The following CCDC117 variants were observed in gnomAD, a reference collection of about 807,000 sequenced individuals.
CCDC117 encodes the protein coiled-coil domain containing 117.
In CCDC117, 1 loss-of-function variant was observed where a neutral mutation model predicts 23.5. The observed-to-expected ratio is 0.04, with a 90% CI of 0.02 to 0.20. The LOEUF is 0.20. Ranked by LOEUF, CCDC117 falls within the 10% of genes least tolerant of loss-of-function variation. The pLI is 1.00. For synonymous variants in CCDC117, 132 were observed against 124.8 expected (o/e 1.06, Z -0.39); for missense variants, 383 against 348.2 (o/e 1.10, Z -0.80).
chr22:28,784,146 A>G (rs2031439197), intron 4 of CCDC117, among the ~76,000 whole-genome samples: 1 of 152,208 alleles, frequency 6.6e-6, no homozygotes, highest in South Asian at 2.1e-4. Flanking sequence ...TCTTAATCTA[A>G]ACACAGTTTA....
rs1340147382 is a variant in CCDC117 at position 28,781,493 on chromosome 22, G to C, written c.464+321G>C. 2.2e-5 allele frequency among the ~76,000 whole-genome samples: 2 copies of C among 89,604 alleles called. 1 individual carries two copies. Among genetic ancestry groups the C allele is most frequent in the Non-Finnish European group, 3.9e-5 (2 of 50,684 alleles). 58.8% of individuals were successfully genotyped at this position (89,604 alleles called of 152,430 possible). A position where few individuals can be genotyped will look rare whatever the true frequency, so the allele number is the denominator to read the frequency against. ...AGCCTCCCAAGTAGCTGGGACTACA[G>C]GCGCCCGCCACTACGCCCGGCTAAT... is the stretch of plus-strand genomic sequence containing the variant. On this transcript the variant is annotated intron_variant, in intron 3 of 4. Transcript: ENST00000249064.
At chr22:28,778,424 A>G (rs897133726) in intron 2 of CCDC117, among the ~76,000 whole-genome samples, 40 of 152,220 alleles carry the variant, frequency 2.6e-4, no homozygotes, top group Non-Finnish European at 2.8e-4. Flanking sequence ...CCTGGCCAAC[A>G]TGGTGAAACC....
intron 3 of CCDC117, among the ~76,000 whole-genome samples, chr22:28,782,847 C>T (rs2031391190): frequency 6.6e-6 from 1 of 152,150 alleles, no homozygotes; most frequent in African/African-American, 2.4e-5. Context: ...ACTGGGATTA[C>T]AAGTGTGAGC....
chr22:28,783,737 T>C (rs2031427624), intron 4 of CCDC117, 92 bp downstream of exon 4: 1 of 1,213,358 alleles, frequency 8.2e-7, no homozygotes, highest in East Asian at 2.3e-5. Context: ...ATTAGCTCTT[T>C]TTATCTCCTG....
Position 28,775,165 on chromosome 22 carries a change from G to A in CCDC117, c.239+1387G>A, listed in dbSNP as rs558957361. The stretch of plus-strand genomic sequence containing the variant: ...AATGCCAGCTACTCAGGAGGCTGAG[G>A]CAGGAGAATCACTTGAACCCGGGAG... On this transcript the variant is annotated intron_variant, in intron 2 of 4. Coordinates refer to ENST00000249064, the MANE Select transcript of CCDC117 (RefSeq NM_173510.4). 4.6e-5 allele frequency among the ~76,000 whole-genome samples: 7 copies of A among 152,300 alleles called. No homozygotes were observed. In the East Asian group the frequency reaches 1.4e-3, roughly 29 times the overall value.
chr22:28,788,146 C>G lies in CCDC117; in HGVS notation c.*1820C>G, dbSNP rs1199299837. 6.6e-6 allele frequency: 1 copy of G among 152,598 alleles called. No homozygotes were observed. Among genetic ancestry groups the G allele is most frequent in the African/African-American group, 2.4e-5 (1 of 41,436 alleles). The allele number at this position is 152,598 out of a possible 1,614,324, so 9.5% of individuals were successfully genotyped here. On this transcript the variant is annotated 3_prime_UTR_variant, in exon 5 of 5. Transcript: ENST00000249064. Reference sequence around the variant, plus strand: ...AACCAGTATTGAAAGCAGTTGGAAACCAGCTAATAGTTTCTTAATCTCAGA... The same window carrying G: ...AACCAGTATTGAAAGCAGTTGGAAAGCAGCTAATAGTTTCTTAATCTCAGA...
In CCDC117 at chr22:28,786,308, A is replaced by G; in HGVS notation, c.822A>G (p.Glu274=). ...YNSLETATST[E]EEMEL ...GTTTGGAGACAGCTACTAGCACAGA[A>G]GAAGAGATGGAACTCTAGAAACCAA... The change falls in exon 5 of 5, where the codon GAA becomes GAG. Residue 274 remains glutamate (E), a synonymous_variant. Transcript: ENST00000249064. 5 of 1,612,816 alleles carry G rather than the reference A, an allele frequency of 3.1e-6. No homozygotes were observed. Among genetic ancestry groups the G allele is most frequent in the Non-Finnish European group, 4.2e-6 (5 of 1,179,408 alleles).
Position 28,772,733 on chromosome 22 carries a change from G to T in CCDC117, c.-117G>T. 1.3e-6 allele frequency: 1 copy of T among 789,444 alleles called. No individual in the cohort carries two copies. The highest frequency in any genetic ancestry group is 3.7e-5 in the East Asian group (1 of 26,898). The allele number at this position is 789,444 out of a possible 1,614,324, so 48.9% of individuals were successfully genotyped here. ...TGGAGGGTTCTAGAAGGCGTGACGT[G>T]GGGTCGAGAGCGGGATCCGAGGCTG... On this transcript the variant is annotated 5_prime_UTR_variant, in exon 1 of 5. Coordinates refer to ENST00000249064, the MANE Select transcript of CCDC117 (RefSeq NM_173510.4).
At chr22:28,775,507 T>G (rs1214620032) in intron 2 of CCDC117, among the ~76,000 whole-genome samples, 1 of 152,224 alleles carries the variant, frequency 6.6e-6, no homozygotes, top group Non-Finnish European at 1.5e-5. Flanking sequence ...CCAATTTATA[T>G]GCCCATTAAC....
At chr22:28,778,253 A>G (rs2031226124) in intron 2 of CCDC117, among the ~76,000 whole-genome samples, 1 of 152,082 alleles carries the variant, frequency 6.6e-6, no homozygotes, top group Non-Finnish European at 1.5e-5. Context: ...GACACTTTGG[A>G]TTTTCTAAAC....
chr22:28,777,505 C>CTTTTCTTTT (rs2031200766), intron 2 of CCDC117, among the ~76,000 whole-genome samples: 1 of 138,724 alleles, frequency 7.2e-6, no homozygotes, highest in African/African-American at 2.6e-5. Context: ...GACATCTTTT[C>CTTTTCTTTT]TTTTTTTTTT....
chr22:28,778,274 A>G (rs1279174129), intron 2 of CCDC117, among the ~76,000 whole-genome samples: 2 of 152,190 alleles, frequency 1.3e-5, no homozygotes, highest in East Asian at 3.8e-4. Flanking sequence ...TTGTTGATAC[A>G]TAGATTCATA....
intron 3 of CCDC117, among the ~76,000 whole-genome samples, chr22:28,782,664 C>T (rs1002938399): frequency 1.3e-5 from 2 of 151,964 alleles, no homozygotes; most frequent in Non-Finnish European, 2.9e-5. Flanking sequence ...GTCTCGAACT[C>T]CGGACCTTGT....
chr22:28,777,133 T>G (rs7285695), intron 2 of CCDC117, among the ~76,000 whole-genome samples: 38,232 of 149,082 alleles, frequency 0.26, 5,572 homozygotes, highest in East Asian at 0.49. Context: ...CTGCCTCCCG[T>G]GTTCAAGTGA....
chr22:28,776,729 C>T (rs938102652), intron 2 of CCDC117, among the ~76,000 whole-genome samples: 1 of 152,122 alleles, frequency 6.6e-6, no homozygotes, highest in Admixed American at 6.5e-5. Flanking sequence ...GGATTACAGG[C>T]ATGTGCCTCC....
intron 2 of CCDC117, among the ~76,000 whole-genome samples, chr22:28,776,877 C>T (rs551344953): frequency 6.6e-6 from 1 of 152,222 alleles, no homozygotes; most frequent in South Asian, 2.1e-4. Flanking sequence ...AGCCACCGCA[C>T]CCAACCAATT....
intron 4 of CCDC117, among the ~76,000 whole-genome samples, chr22:28,785,618 C>G (rs541233055): frequency 9.8e-5 from 15 of 152,292 alleles, no homozygotes; most frequent in South Asian, 4.1e-4. Context: ...TTAACCACAA[C>G]TTAAAAAAAT....
At chr22:28,776,209 G>A (rs1315615784) in intron 2 of CCDC117, among the ~76,000 whole-genome samples, 1 of 152,232 alleles carries the variant, frequency 6.6e-6, no homozygotes, top group Non-Finnish European at 1.5e-5. Context: ...AGGAATTCAA[G>A]ACCAGCCTGG....
chr22:28,776,235 C>A (rs1028193500), intron 2 of CCDC117, among the ~76,000 whole-genome samples: 1 of 152,066 alleles, frequency 6.6e-6, no homozygotes, highest in Admixed American at 6.6e-5. Flanking sequence ...ATGGTGAAAC[C>A]CTGTCTCTAC....
Sources: gnomAD v4.1 joint callset for allele counts (sites outside exome capture counted in the v4.1 genomes callset) on GRCh38, gnomAD v4.1.1 for gene constraint, MANE v1.5 for transcripts, NCBI Gene and HGNC (gene_info 2026-07-23, HGNC 2026-07-21) for gene names.